Variants in HOOK3 observed in about 807,000 individuals in gnomAD.
The protein encoded by HOOK3 is protein Hook homolog 3.
Under a neutral mutation model 116.3 loss-of-function variants are expected in HOOK3, and 24 were observed. That is an observed-to-expected ratio of 0.21 (90% CI 0.15 to 0.29). The LOEUF is 0.29. Among genes scored for constraint, HOOK3 ranks in the 10% least tolerant of loss-of-function variants. The pLI is 1.00. For missense variants in HOOK3, 632 were observed against 830.2 expected, an observed-to-expected ratio of 0.76 and a Z score of 2.93; for synonymous variants, 275 against 283.0, an observed-to-expected ratio of 0.97 and a Z score of 0.28.
intron 3 of HOOK3, among the ~76,000 whole-genome samples, chr8:42,928,661 GT>G (rs1807816644): frequency 6.6e-6 from 1 of 152,106 alleles, no homozygotes; most frequent in South Asian, 2.1e-4. Flanking sequence ...GGGTAGAAAA[GT>G]TTATCATAGT....
intron 17 of HOOK3, among the ~76,000 whole-genome samples, chr8:43,002,833 A>C (rs974574266): frequency 6.6e-6 from 1 of 152,200 alleles, no homozygotes; most frequent in Admixed American, 6.5e-5. Flanking sequence ...ACATGCCAGC[A>C]CACCCAGTCT....
At chr8:43,002,311 T>G (rs1809396467) in intron 17 of HOOK3, among the ~76,000 whole-genome samples, 170 bp downstream of exon 17, 1 of 152,202 alleles carries the variant, frequency 6.6e-6, no homozygotes, top group African/African-American at 2.4e-5. Flanking sequence ...GGTTCTCAGG[T>G]CAGAATGATG....
At chr8:43,010,586 A>G (rs1279716962) in intron 19 of HOOK3, among the ~76,000 whole-genome samples, 181 bp downstream of exon 19, 1 of 152,238 alleles carries the variant, frequency 6.6e-6, no homozygotes, top group Non-Finnish European at 1.5e-5. Context: ...AGGTCATTCC[A>G]TGGATTACTT....
chr8:42,918,911 C>G (rs1375734483), intron 2 of HOOK3, among the ~76,000 whole-genome samples: 1 of 152,242 alleles, frequency 6.6e-6, no homozygotes, highest in Non-Finnish European at 1.5e-5. Flanking sequence ...TCATCATGGC[C>G]CGTTCTCAAT....
At chr8:42,976,432 C>T (rs888749821) in intron 13 of HOOK3, among the ~76,000 whole-genome samples, 3 of 152,098 alleles carry the variant, frequency 2.0e-5, no homozygotes, top group Non-Finnish European at 4.4e-5. Context: ...ATGACTTGAG[C>T]CTGGGAGGCA....
At chr8:42,943,496 T>C (rs1351969265) in intron 5 of HOOK3, 51 bp downstream of exon 5, 4 of 1,192,466 alleles carry the variant, frequency 3.4e-6, no homozygotes, top group Admixed American at 2.9e-5. Context: ...AGGAAAGTAG[T>C]GTATATTTTA....
chr8:42,943,544 C>A, intron 5 of HOOK3, 99 bp downstream of exon 5: 1 of 753,454 alleles, frequency 1.3e-6, no homozygotes, highest in Non-Finnish European at 1.9e-6. Flanking sequence ...ACAGTAACAT[C>A]TGTTTAAGGT....
At chr8:43,005,530 A>G (rs573331189) in intron 17 of HOOK3, among the ~76,000 whole-genome samples, 5 of 148,982 alleles carry the variant, frequency 3.4e-5, no homozygotes, top group African/African-American at 9.9e-5. Context: ...CCTAAGCAAT[A>G]TATTTTTTAG....
intron 4 of HOOK3, among the ~76,000 whole-genome samples, chr8:42,933,512 G>C (rs944673715): frequency 6.6e-6 from 1 of 152,132 alleles, no homozygotes; most frequent in Non-Finnish European, 1.5e-5. Flanking sequence ...TAAACAAGAA[G>C]AATAAATTCA....
chr8:42,938,943 A>C (rs1808033161), intron 4 of HOOK3, among the ~76,000 whole-genome samples: 1 of 152,220 alleles, frequency 6.6e-6, no homozygotes, highest in African/African-American at 2.4e-5. Context: ...GCCTTCAAGC[A>C]TCTGTTTAAC....
intron 5 of HOOK3, among the ~76,000 whole-genome samples, chr8:42,949,123 A>G (rs1042313190): frequency 1.3e-5 from 2 of 152,232 alleles, no homozygotes; most frequent in African/African-American, 4.8e-5. Context: ...TTTCATGGTA[A>G]GACCCCTTCA....
At chr8:42,903,828 C>T (rs911143402) in intron 1 of HOOK3, among the ~76,000 whole-genome samples, 3 of 151,606 alleles carry the variant, frequency 2.0e-5, no homozygotes, top group Admixed American at 6.6e-5. Flanking sequence ...TGGTAGCGGG[C>T]GCCTGTATTC....
chr8:42,904,649 T>G (rs1360863582), intron 1 of HOOK3, among the ~76,000 whole-genome samples: 1 of 152,106 alleles, frequency 6.6e-6, no homozygotes, highest in Non-Finnish European at 1.5e-5. Flanking sequence ...CATGGCTCAC[T>G]CCCCTGGTTC....
In HOOK3 at chr8:43,027,252, G is replaced by C. The variant is rs1430707088; in HGVS notation, c.*8754G>C. 3.9e-6 allele frequency: 1 copy of C among 258,984 alleles called. No homozygotes were observed. Among genetic ancestry groups the C allele is most frequent in the Non-Finnish European group, 7.7e-6 (1 of 129,900 alleles). 16.0% of individuals were successfully genotyped at this position (258,984 alleles called of 1,614,324 possible). ...AAAGTTTTCAACTTGTCTACCGAGA[G>C]ACTTTCTTTAGGAGCCAGGACTTCT... On this transcript the variant is annotated 3_prime_UTR_variant, in exon 22 of 22. Transcript: ENST00000307602.
At chr8:42,912,197 A>G (rs1301558590) in intron 2 of HOOK3, among the ~76,000 whole-genome samples, 1 of 152,190 alleles carries the variant, frequency 6.6e-6, no homozygotes. Context: ...CTGAGCTGAC[A>G]AGTGAGAAGC....
At chr8:43,006,488 A>G (rs1272716823) in intron 17 of HOOK3, among the ~76,000 whole-genome samples, 1 of 151,740 alleles carries the variant, frequency 6.6e-6, no homozygotes, top group Non-Finnish European at 1.5e-5. Context: ...ATGCCCGGCT[A>G]ATTTTTTGTA....
At position 42,966,633 on chromosome 8, in the gene HOOK3, C is replaced by T. The variant is rs377757089; in HGVS notation, c.920+20C>T. The T allele has an allele frequency of 2.2e-5, 35 of 1,610,908 alleles. No homozygotes were observed. Among genetic ancestry groups the T allele is most frequent in the African/African-American group, 1.9e-4 (14 of 74,836 alleles). On this transcript the variant is annotated intron_variant, in intron 10 of 21. Coordinates refer to ENST00000307602, the MANE Select transcript of HOOK3 (RefSeq NM_032410.4). ...GCTGAGGTAAAAACCTCACCTTCAC[C>T]GCCCAGCACAGTTTGGCTCTGGTGT...
At chr8:42,963,315 C>A (rs534218977) in intron 8 of HOOK3, among the ~76,000 whole-genome samples, 1 of 152,120 alleles carries the variant, frequency 6.6e-6, no homozygotes, top group South Asian at 2.1e-4. Context: ...ATGAACATTT[C>A]TTTTGAGTGT....
chr8:42,914,059 G>A (rs1246548854), intron 2 of HOOK3, among the ~76,000 whole-genome samples: 1 of 152,046 alleles, frequency 6.6e-6, no homozygotes, highest in Non-Finnish European at 1.5e-5. Context: ...GCTTTGTCAG[G>A]CTTCTCAAGT....
Sources: gnomAD v4.1 joint callset for allele counts (sites outside exome capture counted in the v4.1 genomes callset) on GRCh38, gnomAD v4.1.1 for gene constraint, MANE v1.5 for transcripts, NCBI Gene and HGNC (gene_info 2026-07-23, HGNC 2026-07-21) for gene names.